The following TANC2 variants were observed in gnomAD, a reference collection of about 807,000 sequenced individuals.
The protein encoded by TANC2 is protein TANC2.
A neutral mutation model predicts 210.5 loss-of-function variants in TANC2; 26 were observed. That is an observed-to-expected ratio of 0.12 (90% CI 0.09 to 0.17). TANC2 has a LOEUF of 0.17. Ranked by LOEUF, TANC2 falls within the 10% of genes least tolerant of loss-of-function variation. TANC2 has a pLI of 1.00. For missense variants in TANC2, 2,129 were observed against 2,608.9 expected, an observed-to-expected ratio of 0.82 and a Z score of 4.01; for synonymous variants, 931 against 967.1, an observed-to-expected ratio of 0.96 and a Z score of 0.69.
intron 4 of TANC2, among the ~76,000 whole-genome samples, chr17:63,127,656 A>G (rs2038759237): frequency 6.6e-6 from 1 of 152,222 alleles, no homozygotes; most frequent in South Asian, 2.1e-4. Context: ...TAGTCACCAT[A>G]AGAAACTGGC....
intron 7 of TANC2, among the ~76,000 whole-genome samples, 192 bp from the exon 8 acceptor site, chr17:63,237,620 CTT>C (rs1487662332): frequency 6.6e-6 from 1 of 152,002 alleles, no homozygotes; most frequent in Non-Finnish European, 1.5e-5. Flanking sequence ...TTTAGTGTAT[CTT>C]GAGTTGATTT....
chr17:63,376,415 A>G (rs1246446525), intron 14 of TANC2, among the ~76,000 whole-genome samples: 1 of 152,124 alleles, frequency 6.6e-6, no homozygotes. Context: ...TGATAGTTTT[A>G]TAAGTGTCTG....
At chr17:63,092,244 A>G (rs2037225404) in intron 3 of TANC2, among the ~76,000 whole-genome samples, 1 of 152,078 alleles carries the variant, frequency 6.6e-6, no homozygotes, top group Non-Finnish European at 1.5e-5. Context: ...GTAAATTCCT[A>G]GGAGCTGGAT....
intron 2 of TANC2, among the ~76,000 whole-genome samples, chr17:63,013,218 G>A (rs1454188907): frequency 6.6e-6 from 1 of 151,902 alleles, no homozygotes; most frequent in Non-Finnish European, 1.5e-5. Context: ...GCCTACAAGT[G>A]GATGCTACTC....
chr17:63,363,753 G>A (rs2047031753), intron 14 of TANC2, among the ~76,000 whole-genome samples: 1 of 152,086 alleles, frequency 6.6e-6, no homozygotes, highest in African/African-American at 2.4e-5. Flanking sequence ...TGCCGTTTGG[G>A]TCTATAGTAT....
intron 2 of TANC2, among the ~76,000 whole-genome samples, chr17:63,047,925 G>T (rs1449018742): frequency 6.6e-6 from 1 of 152,164 alleles, no homozygotes; most frequent in African/African-American, 2.4e-5. Context: ...TAAGTGGATA[G>T]CTGTGAAGAA....
chr17:63,018,211 C>A (rs1465213500), intron 2 of TANC2, among the ~76,000 whole-genome samples: 1 of 152,068 alleles, frequency 6.6e-6, no homozygotes, highest in African/African-American at 2.4e-5. Context: ...TAAGGAATAG[C>A]CAGGCGCCGT....
intron 5 of TANC2, among the ~76,000 whole-genome samples, chr17:63,183,288 T>A (rs1318786620): frequency 6.6e-6 from 1 of 152,212 alleles, no homozygotes; most frequent in Non-Finnish European, 1.5e-5. Context: ...CAGAAATAAT[T>A]CCTATTTTTT....
intron 7 of TANC2, among the ~76,000 whole-genome samples, chr17:63,223,320 A>G (rs2042244839): frequency 6.6e-6 from 1 of 152,254 alleles, no homozygotes; most frequent in Admixed American, 6.5e-5. Flanking sequence ...GTGAGCCGAC[A>G]GTGAAAGAAA....
chr17:63,098,501 CTCTCTCTCTG>C (rs2037492366), intron 3 of TANC2, among the ~76,000 whole-genome samples: 6 of 102,230 alleles, frequency 5.9e-5, no homozygotes, highest in Admixed American at 4.6e-4. Flanking sequence ...CTCTCTCTCT[CTCTCTCTCTG>C]TGTGTATATA....
chr17:63,063,943 C>T (rs9916017), intron 2 of TANC2, among the ~76,000 whole-genome samples: 2,550 of 152,134 alleles, frequency 0.017, 77 homozygotes, highest in African/African-American at 0.058. Flanking sequence ...GGGCTTTTAT[C>T]TATATTCTGA....
chr17:63,147,791 T>C (rs796414151), intron 4 of TANC2, among the ~76,000 whole-genome samples: 7 of 152,194 alleles, frequency 4.6e-5, no homozygotes, highest in Admixed American at 4.6e-4. Context: ...GCATAACATA[T>C]TGTATTTTCT....
chr17:63,423,797 C>G (rs965572100), exon 28 of TANC2: 2 of 152,266 alleles, frequency 1.3e-5, no homozygotes, highest in Non-Finnish European at 2.9e-5. Context: ...AACTCAAGCC[C>G]CAGCCTCTTT....
At chr17:63,205,870 T>A (rs2041693783) in intron 7 of TANC2, among the ~76,000 whole-genome samples, 1 of 151,888 alleles carries the variant, frequency 6.6e-6, no homozygotes, top group South Asian at 2.1e-4. Flanking sequence ...ATCACACCAC[T>A]GCACTCCAAC....
chr17:62,975,588 T>C (rs72843145), intron 1 of TANC2, among the ~76,000 whole-genome samples: 20,827 of 150,994 alleles, frequency 0.14, 1,873 homozygotes, highest in Middle Eastern at 0.21. Flanking sequence ...AGACAGACTT[T>C]GTTTGAAAGC....
intron 8 of TANC2, among the ~76,000 whole-genome samples, chr17:63,255,168 T>A (rs1480420779): frequency 1.3e-5 from 2 of 151,878 alleles, no homozygotes; most frequent in Non-Finnish European, 2.9e-5. Flanking sequence ...GCAGTGGCAC[T>A]ATCTCGGCTC....
chr17:63,021,006 A>G (rs1334773892), intron 2 of TANC2, among the ~76,000 whole-genome samples: 1 of 152,164 alleles, frequency 6.6e-6, no homozygotes, highest in East Asian at 1.9e-4. Flanking sequence ...GGAGGGCACC[A>G]ACCCTTCATG....
exon 22 of TANC2, chr17:63,411,581 C>G (rs2147340994): frequency 6.2e-7 from 1 of 1,613,992 alleles, no homozygotes; most frequent in Non-Finnish European, 8.5e-7. Context: ...AGGGCCATCT[C>G]TCAGTAGTAC....
intron 4 of TANC2, among the ~76,000 whole-genome samples, chr17:63,138,353 T>C (rs1228619172): frequency 6.6e-6 from 1 of 152,204 alleles, no homozygotes; most frequent in Non-Finnish European, 1.5e-5. Context: ...AACATAATTG[T>C]ACTGTAACTG....
Sources: gnomAD v4.1 joint callset for allele counts (sites outside exome capture counted in the v4.1 genomes callset) on GRCh38, gnomAD v4.1.1 for gene constraint, MANE v1.5 for transcripts, NCBI Gene and HGNC (gene_info 2026-07-23, HGNC 2026-07-21) for gene names.